The following CACNA1E variants were observed in gnomAD, a reference collection of about 807,000 sequenced individuals.
CACNA1E encodes the protein calcium voltage-gated channel subunit alpha1 E, also known as voltage-dependent R-type calcium channel subunit alpha-1E.
In CACNA1E, 40 loss-of-function variants were observed where a neutral mutation model predicts 259.2. The ratio of observed to expected loss-of-function variants is 0.15; its 90% CI spans 0.12 to 0.20. The LOEUF is 0.20. CACNA1E is among the 10% of genes least tolerant of loss of function. The probability of loss-of-function intolerance (pLI) is 1.00; values close to 1 mark genes in which losing one functional copy is unlikely to be tolerated. For synonymous variants in CACNA1E, 1,104 were observed against 1,138.5 expected (o/e 0.97, Z 0.61); for missense variants, 1,874 against 3,040.1 (o/e 0.62, Z 9.02).
At chr1:181,425,476 C>T (rs11806779) in intron 2 of CACNA1E, among the ~76,000 whole-genome samples, 44,416 of 150,616 alleles carry the variant, frequency 0.29, 6,790 homozygotes, top group African/African-American at 0.35. Flanking sequence ...TGGAGGAATT[C>T]GCTTTGGCCT....
chr1:181,688,536 T>G (rs1404125287), intron 7 of CACNA1E, among the ~76,000 whole-genome samples: 1 of 152,230 alleles, frequency 6.6e-6, no homozygotes, highest in Non-Finnish European at 1.5e-5. Context: ...AAGTTATAAT[T>G]GACAAAATTT....
chr1:181,758,483 T>C lies in CACNA1E; in HGVS notation c.4495-275T>C, dbSNP rs1411765281. On this transcript the variant is annotated intron_variant, in intron 31 of 47. Coordinates refer to ENST00000367573, the MANE Select transcript of CACNA1E (RefSeq NM_001205293.3). The surrounding 1 kb of genome is among the most constrained non-coding windows in gnomAD (Gnocchi z 4.2). ...TAAATGACTAACTCCAGTAACTAAC[T>C]CTAGAAAATGTTTCTTCCCTGCCCA... Among the ~76,000 whole-genome samples, 1 of 152,172 alleles carries C rather than the reference T, an allele frequency of 6.6e-6. No homozygotes were observed. The highest frequency in any genetic ancestry group is 1.5e-5 in the Non-Finnish European group (1 of 68,026).
chr1:181,481,123 T>C (rs115226244), upstream of CACNA1E, among the ~76,000 whole-genome samples: 202 of 152,232 alleles, frequency 1.3e-3, no homozygotes, highest in African/African-American at 4.7e-3. Context: ...GACTAGGTAT[T>C]CAGACAGAAG....
chr1:181,350,054 C>T (rs1391184680), intron 1 of CACNA1E, among the ~76,000 whole-genome samples: 1 of 152,038 alleles, frequency 6.6e-6, no homozygotes, highest in Non-Finnish European at 1.5e-5. Context: ...ACCCCTGCAC[C>T]CTGGCCAGGA....
chr1:181,397,916 T>TCCTAGCAA (rs1266017502), intron 1 of CACNA1E, among the ~76,000 whole-genome samples: 2 of 152,258 alleles, frequency 1.3e-5, no homozygotes. Context: ...TCCTAGCAAC[T>TCCTAGCAA]GTGCCAGAGC....
chr1:181,341,965 G>A (rs1404268047), intron 1 of CACNA1E, among the ~76,000 whole-genome samples: 6 of 152,208 alleles, frequency 3.9e-5, no homozygotes, highest in African/African-American at 9.6e-5. Flanking sequence ...TAAATAAGAC[G>A]CTTCCCACAG....
upstream of CACNA1E, among the ~76,000 whole-genome samples, chr1:181,483,131 C>A (rs371975725): frequency 8.5e-5 from 13 of 152,216 alleles, no homozygotes; most frequent in Admixed American, 6.5e-4. Flanking sequence ...ATATAAAGAC[C>A]CAAGTCTTCG....
chr1:181,389,671 T>A (rs1289718378), intron 1 of CACNA1E, among the ~76,000 whole-genome samples: 1 of 152,210 alleles, frequency 6.6e-6, no homozygotes, highest in African/African-American at 2.4e-5. Flanking sequence ...TTACTTTTGG[T>A]CCCGTGTCCT....
rs769345560 is a variant in CACNA1E, at chr1:181,800,344, G to C, written c.*1510G>C. On this transcript the variant is annotated 3_prime_UTR_variant, in exon 48 of 48. Coordinates refer to ENST00000367573, the MANE Select transcript of CACNA1E (RefSeq NM_001205293.3). ...GGGGCTTCACCCCTCCCCAGAGTAA[G>C]AGCTGGGGCTGACAGTCCCACCCTG... 6.6e-6 allele frequency: 1 copy of C among 152,624 alleles called. No homozygotes were observed. Among genetic ancestry groups the C allele is most frequent in the African/African-American group, 2.4e-5 (1 of 41,444 alleles). 9.5% of individuals were successfully genotyped at this position (152,624 alleles called of 1,614,324 possible).
chr1:181,499,794 C>A (rs1665088922), intron 1 of CACNA1E, among the ~76,000 whole-genome samples: 1 of 152,166 alleles, frequency 6.6e-6, no homozygotes, highest in African/African-American at 2.4e-5. Context: ...TTCTATGGTC[C>A]AGCCATGGCT....
At chr1:181,406,419 T>C (rs1207564995) in intron 1 of CACNA1E, among the ~76,000 whole-genome samples, 1 of 152,116 alleles carries the variant, frequency 6.6e-6, no homozygotes, top group Non-Finnish European at 1.5e-5. Context: ...TTTTTTGAGA[T>C]GGAGTCTCGT....
At chr1:181,394,401 C>T (rs988452143) in intron 1 of CACNA1E, among the ~76,000 whole-genome samples, 1 of 152,164 alleles carries the variant, frequency 6.6e-6, no homozygotes, top group Admixed American at 6.5e-5. Flanking sequence ...GCTTTTGTAA[C>T]AATTTCAGAT....
intron 1 of CACNA1E, among the ~76,000 whole-genome samples, chr1:181,321,613 C>T (rs1650355194): frequency 6.6e-6 from 1 of 152,104 alleles, no homozygotes; most frequent in South Asian, 2.1e-4. Context: ...TGGTTGGGTC[C>T]CTCAGATCCT....
intron 2 of CACNA1E, among the ~76,000 whole-genome samples, chr1:181,475,066 G>A (rs921462037): frequency 3.9e-5 from 6 of 152,232 alleles, no homozygotes; most frequent in African/African-American, 1.2e-4. Flanking sequence ...GAGCTAGAAT[G>A]TGTTAGGGGA....
At chr1:181,392,895 G>A (rs981009582) in intron 1 of CACNA1E, among the ~76,000 whole-genome samples, 3 of 152,224 alleles carry the variant, frequency 2.0e-5, no homozygotes, top group African/African-American at 7.2e-5. Flanking sequence ...TGGCAATTTT[G>A]AAATGTTATG....
intron 1 of CACNA1E, among the ~76,000 whole-genome samples, chr1:181,387,494 C>T (rs1655939550): frequency 6.6e-6 from 1 of 152,148 alleles, no homozygotes; most frequent in South Asian, 2.1e-4. Context: ...TGCCTCTTCC[C>T]CAGCTCCCCT....
chr1:181,364,429 C>T (rs1455530949), intron 1 of CACNA1E, among the ~76,000 whole-genome samples: 1 of 152,130 alleles, frequency 6.6e-6, no homozygotes, highest in Non-Finnish European at 1.5e-5. Flanking sequence ...GTGCCTGGCT[C>T]ATGGCAGGCA....
At chr1:181,745,361 T>G (rs758467750) in intron 25 of CACNA1E, 4 of 495,080 alleles carry the variant, frequency 8.1e-6, no homozygotes, top group Non-Finnish European at 1.2e-5. Context: ...CAGCATGAAA[T>G]TGGGAGATGG....
intron 1 of CACNA1E, among the ~76,000 whole-genome samples, chr1:181,504,882 G>T (rs113567579): frequency 2.2e-4 from 34 of 152,340 alleles, no homozygotes; most frequent in African/African-American, 8.2e-4. Flanking sequence ...ACTAGAAAGA[G>T]AGTTGGAGCA....
Sources: gnomAD v4.1 joint callset for allele counts (sites outside exome capture counted in the v4.1 genomes callset) on GRCh38, gnomAD v4.1.1 for gene constraint, Gnocchi (gnomAD v3.1) non-coding constraint, MANE v1.5 for transcripts, NCBI Gene and HGNC (gene_info 2026-07-23, HGNC 2026-07-21) for gene names.